SNTG1: variants seen among roughly 807,000 people sequenced by gnomAD.
The protein encoded by SNTG1 is syntrophin gamma 1, also known as gamma-1-syntrophin.
A neutral mutation model predicts 74.7 loss-of-function variants in SNTG1; 39 were observed. That is an observed-to-expected ratio of 0.52 (90% CI 0.40 to 0.68). The LOEUF (loss-of-function observed/expected upper bound fraction) is 0.68. SNTG1 is among the 30% of genes least tolerant of loss of function. The probability of loss-of-function intolerance (pLI) is 0.00; values close to 1 mark genes in which losing one functional copy is unlikely to be tolerated. For missense variants in SNTG1, 685 were observed against 609.5 expected (o/e 1.12, Z -1.30); for synonymous variants, 254 against 217.1 (o/e 1.17, Z -1.49).
intron 4 of SNTG1, among the ~76,000 whole-genome samples, chr8:50,418,907 A>G (rs2093046940): frequency 6.6e-6 from 1 of 152,170 alleles, no homozygotes; most frequent in Non-Finnish European, 1.5e-5. Context: ...TCTGTCAAAA[A>G]TATATCCAGG....
Position 50,395,703 on chromosome 8 carries a change from A to G in SNTG1, c.27+1438A>G, listed in dbSNP as rs139848739. On this transcript the variant is annotated intron_variant, in intron 3 of 18. Coordinates refer to ENST00000642720, the MANE Select transcript of SNTG1 (RefSeq NM_018967.5). Reference sequence around the variant, plus strand: ...ATTTTGTATTTTTGTATTAGAGACGAGGTTTCACCGTGTTAGCCAGGAAGA... The same window carrying G: ...ATTTTGTATTTTTGTATTAGAGACGGGGTTTCACCGTGTTAGCCAGGAAGA... Among the ~76,000 whole-genome samples the G allele has an allele frequency of 9.3e-3, 1,414 of 151,970 alleles. 29 individuals are homozygous for G. The highest frequency in any genetic ancestry group is 0.032 in the African/African-American group (1,340 of 41,450).
intron 2 of SNTG1, among the ~76,000 whole-genome samples, chr8:50,262,373 A>G (rs1234923372): frequency 6.6e-6 from 1 of 152,200 alleles, no homozygotes; most frequent in Non-Finnish European, 1.5e-5. Flanking sequence ...TATAAACAGT[A>G]AATCAAGAGA....
intron 1 of SNTG1, among the ~76,000 whole-genome samples, chr8:50,143,728 A>G (rs905078451): frequency 5.9e-5 from 9 of 152,144 alleles, no homozygotes; most frequent in African/African-American, 2.2e-4. Context: ...TTAATTTTAG[A>G]GTGTATTTTA....
chr8:50,546,265 C>T (rs1204213927), intron 11 of SNTG1, among the ~76,000 whole-genome samples: 4 of 151,664 alleles, frequency 2.6e-5, no homozygotes, highest in Non-Finnish European at 5.9e-5. Context: ...AACATATTGA[C>T]AGTAGAGAAA....
chr8:50,048,788 A>G (rs1586047234), intron 1 of SNTG1, among the ~76,000 whole-genome samples: 1 of 152,078 alleles, frequency 6.6e-6, no homozygotes, highest in Admixed American at 6.6e-5. Flanking sequence ...TTAATATTTT[A>G]CCTCTGACCT....
chr8:50,766,412 T>C (rs2095614114), intron 18 of SNTG1, among the ~76,000 whole-genome samples: 1 of 151,996 alleles, frequency 6.6e-6, no homozygotes. Context: ...TTGGGAATAA[T>C]AATTGAAGGC....
chr8:50,103,143 C>T (rs907832571), intron 1 of SNTG1, among the ~76,000 whole-genome samples: 1 of 152,160 alleles, frequency 6.6e-6, no homozygotes, highest in African/African-American at 2.4e-5. Flanking sequence ...CTATAAATTA[C>T]CTTGGGCCGT....
At chr8:50,033,158 C>G (rs188773998) in intron 1 of SNTG1, among the ~76,000 whole-genome samples, 2 of 151,538 alleles carry the variant, frequency 1.3e-5, no homozygotes, top group Admixed American at 1.3e-4. Context: ...TCTTGTTGCC[C>G]GGGTTGGAGT....
intron 15 of SNTG1, among the ~76,000 whole-genome samples, chr8:50,671,927 A>G (rs913038494): frequency 1.3e-5 from 2 of 151,344 alleles, no homozygotes; most frequent in African/African-American, 4.9e-5. Context: ...CATCATTCTC[A>G]GTAAACTATC....
chr8:50,648,723 A>G (rs1024851350), intron 13 of SNTG1, among the ~76,000 whole-genome samples: 5 of 152,142 alleles, frequency 3.3e-5, no homozygotes, highest in East Asian at 1.9e-4. Flanking sequence ...CCTAAAACTT[A>G]GGCATACAGT....
At chr8:50,778,234 G>A (rs993365018) in intron 18 of SNTG1, among the ~76,000 whole-genome samples, 1 of 152,086 alleles carries the variant, frequency 6.6e-6, no homozygotes, top group African/African-American at 2.4e-5. Context: ...AGGATGGCTG[G>A]GTCAAATGGT....
At chr8:50,416,401 C>T (rs1197372423) in intron 4 of SNTG1, among the ~76,000 whole-genome samples, 2 of 152,114 alleles carry the variant, frequency 1.3e-5, no homozygotes, top group Non-Finnish European at 2.9e-5. Flanking sequence ...GCCAATATGT[C>T]AAATGTGTAG....
chr8:50,400,824 G>T (rs919664675), intron 3 of SNTG1, among the ~76,000 whole-genome samples: 1 of 152,100 alleles, frequency 6.6e-6, no homozygotes, highest in African/African-American at 2.4e-5. Flanking sequence ...ATCGGGAGAT[G>T]TTGGAGAACA....
intron 13 of SNTG1, among the ~76,000 whole-genome samples, chr8:50,607,071 A>T (rs1820287351): frequency 6.6e-6 from 1 of 151,936 alleles, no homozygotes; most frequent in South Asian, 2.1e-4. Context: ...AAAAAATCAA[A>T]TTCGATATGT....
At chr8:50,413,752 A>G (rs1026460522) in intron 4 of SNTG1, among the ~76,000 whole-genome samples, 1 of 152,020 alleles carries the variant, frequency 6.6e-6, no homozygotes, top group Non-Finnish European at 1.5e-5. Flanking sequence ...GTTTTTTCAT[A>G]TTTTGAACTT....
chr8:50,090,488 A>G (rs1034177616), intron 1 of SNTG1, among the ~76,000 whole-genome samples: 1 of 152,174 alleles, frequency 6.6e-6, no homozygotes, highest in African/African-American at 2.4e-5. Flanking sequence ...GCAGATTTAG[A>G]AAGATTCATC....
chr8:50,440,854 C>T (rs1478022938), intron 5 of SNTG1, among the ~76,000 whole-genome samples: 2 of 152,162 alleles, frequency 1.3e-5, no homozygotes, highest in African/African-American at 2.4e-5. Flanking sequence ...TTCCGCTGGA[C>T]TCAGAACACA....
chr8:50,449,573 C>T (rs1408190639), intron 5 of SNTG1, 95 bp from the exon 6 acceptor site: 10 of 819,140 alleles, frequency 1.2e-5, no homozygotes, highest in Admixed American at 1.1e-4. Context: ...GCCTAATATC[C>T]ACTTAACATT....
intron 1 of SNTG1, among the ~76,000 whole-genome samples, chr8:50,148,480 CATA>C (rs2081949948): frequency 6.6e-6 from 1 of 152,150 alleles, no homozygotes; most frequent in South Asian, 2.1e-4. Context: ...CATATGTATA[CATA>C]TGCCATGTTG....
Sources: gnomAD v4.1 joint callset for allele counts (sites outside exome capture counted in the v4.1 genomes callset) on GRCh38, gnomAD v4.1.1 for gene constraint, MANE v1.5 for transcripts, NCBI Gene and HGNC (gene_info 2026-07-23, HGNC 2026-07-21) for gene names.